EFCAB14: variants seen among roughly 807,000 people sequenced by gnomAD.
The protein encoded by EFCAB14 is EF-hand calcium binding domain 14, also known as EF-hand calcium-binding domain-containing protein 14.
EFCAB14 carries 43 observed loss-of-function variants against 56.5 expected under a neutral mutation model. That is an observed-to-expected ratio of 0.76 (90% CI 0.60 to 0.98). EFCAB14 has a LOEUF of 0.98. Ranked by LOEUF, EFCAB14 falls within the 50% of genes least tolerant of loss-of-function variation. The pLI, the probability that EFCAB14 is intolerant of heterozygous loss-of-function variation, is 0.00. For missense variants in EFCAB14, 538 were observed against 580.3 expected, an observed-to-expected ratio of 0.93 and a Z score of 0.75; for synonymous variants, 235 against 212.9, an observed-to-expected ratio of 1.10 and a Z score of -0.90.
intron 10 of EFCAB14, among the ~76,000 whole-genome samples, chr1:46,678,948 C>A (rs1676742297): frequency 6.6e-6 from 1 of 152,124 alleles, no homozygotes; most frequent in Admixed American, 6.5e-5. Flanking sequence ...CACAGTGAGA[C>A]ACTGCCAAAG....
At chr1:46,706,422 A>G (rs1677234794) in intron 3 of EFCAB14, among the ~76,000 whole-genome samples, 1 of 152,218 alleles carries the variant, frequency 6.6e-6, no homozygotes, top group African/African-American at 2.4e-5. Context: ...TTCTCCCACC[A>G]TGTACCAATA....
rs114705454 is a variant in EFCAB14, at chr1:46,696,191, T to C, written c.579+360A>G. Reference sequence around the variant, plus strand: ...ATCATGTACAATTGGTCTGCTTTGATGAAGATATTGTGAGTGGTGAACTGA... The same window carrying C: ...ATCATGTACAATTGGTCTGCTTTGACGAAGATATTGTGAGTGGTGAACTGA... On this transcript the variant is annotated intron_variant, in intron 4 of 10. Transcript: ENST00000371933. Among the ~76,000 whole-genome samples the C allele has an allele frequency of 4.2e-3, 638 of 151,942 alleles. 1 individual carries two copies. The highest frequency in any genetic ancestry group is 0.014 in the African/African-American group (585 of 41,422).
At chr1:46,696,487 G>T in intron 4 of EFCAB14, 64 bp downstream of exon 4, 2 of 1,462,146 alleles carry the variant, frequency 1.4e-6, no homozygotes, top group South Asian at 2.4e-5. Flanking sequence ...CTAGAATTAT[G>T]GCAAATAGTA....
At chr1:46,710,450 T>G (rs1419686042) in intron 2 of EFCAB14, among the ~76,000 whole-genome samples, 1 of 152,242 alleles carries the variant, frequency 6.6e-6, no homozygotes, top group African/African-American at 2.4e-5. Context: ...AGCTGTAATT[T>G]TTCATCCTTT....
chr1:46,684,519 G>A lies in EFCAB14; in HGVS notation c.1158C>T (p.Ser386=). 1 of 1,614,024 alleles carries A rather than the reference G, an allele frequency of 6.2e-7. No individual in the cohort carries two copies. The highest frequency in any genetic ancestry group is 1.7e-5 in the Admixed American group (1 of 60,026). The change falls in exon 9 of 11, where the codon AGC becomes AGT. Residue 386 remains serine, a synonymous_variant. Transcript: ENST00000371933. Reference sequence around the variant, plus strand: ...CATCGGCGGTCTCTGGAGGCCTGTTGCTCTCAGGTTTGTTTGTAAGAGCAC... The same window carrying A: ...CATCGGCGGTCTCTGGAGGCCTGTTACTCTCAGGTTTGTTTGTAAGAGCAC... ...LISALTNKPE[S]NRPPETADEE...
intron 2 of EFCAB14, among the ~76,000 whole-genome samples, chr1:46,713,823 G>A (rs2148851566): frequency 6.6e-6 from 1 of 152,234 alleles, no homozygotes; most frequent in East Asian, 1.9e-4. Context: ...ACTTATGGTT[G>A]AACACTGTTT....
intron 3 of EFCAB14, among the ~76,000 whole-genome samples, chr1:46,699,653 A>ATAG (rs1260019658): frequency 2.0e-5 from 3 of 152,158 alleles, no homozygotes; most frequent in Admixed American, 6.6e-5. Context: ...GTAACTGGGT[A>ATAG]TAATAATAAT....
intron 4 of EFCAB14, among the ~76,000 whole-genome samples, chr1:46,694,584 G>C (rs1314321393): frequency 6.6e-6 from 1 of 152,198 alleles, no homozygotes; most frequent in Non-Finnish European, 1.5e-5. Flanking sequence ...AACAACAGGT[G>C]CTGGAGAGGA....
intron 3 of EFCAB14, among the ~76,000 whole-genome samples, chr1:46,699,925 C>G (rs1485720506): frequency 6.6e-6 from 1 of 152,146 alleles, no homozygotes; most frequent in Non-Finnish European, 1.5e-5. Flanking sequence ...GGGAAGGGAG[C>G]TGCCATGCTG....
At chr1:46,713,528 C>T (rs1429900188) in intron 2 of EFCAB14, among the ~76,000 whole-genome samples, 1 of 152,118 alleles carries the variant, frequency 6.6e-6, no homozygotes, top group Non-Finnish European at 1.5e-5. Context: ...AAATGTAGTA[C>T]TTTATTTGCA....
At position 46,683,391 on chromosome 1, in the gene EFCAB14, T is replaced by C. The variant is rs1380743183; in HGVS notation, c.1221A>G (p.Ala407=). ...QVESFTSKPS[A]LPKFSQFLGD... ...CAAGAAACTGTGAAAATTTTGGCAA[T>C]GCTGATGGCTTTGATGTGAAACTCT... Residue 407 remains alanine (A), a synonymous_variant, in exon 10 of 11, where the codon GCA becomes GCG. Transcript: ENST00000371933. 6.2e-7 allele frequency: 1 copy of C among 1,613,948 alleles called. No homozygotes were observed. The highest frequency in any genetic ancestry group is 8.5e-7 in the Non-Finnish European group (1 of 1,179,966).
intron 5 of EFCAB14, among the ~76,000 whole-genome samples, chr1:46,690,186 T>C (rs1162158638): frequency 2.6e-5 from 4 of 152,226 alleles, no homozygotes; most frequent in Admixed American, 2.0e-4. Flanking sequence ...CCTTATAGCA[T>C]TATGCTAAGT....
At chr1:46,710,835 A>T (rs1677297454) in intron 2 of EFCAB14, among the ~76,000 whole-genome samples, 1 of 152,190 alleles carries the variant, frequency 6.6e-6, no homozygotes, top group Admixed American at 6.5e-5. Flanking sequence ...TACAGGCGTG[A>T]GTTACCATAC....
chr1:46,716,687 A>G (rs1179340099), intron 1 of EFCAB14, among the ~76,000 whole-genome samples: 1 of 152,214 alleles, frequency 6.6e-6, no homozygotes, highest in East Asian at 1.9e-4. Flanking sequence ...TAAAAGGAAG[A>G]ACCTAAAGGC....
rs142162346 is a variant in EFCAB14 at position 46,689,018 on chromosome 1, C to A, written c.796-474G>T. ...TTATTTTTACTGACATCCTCCAGTACTGATTGCTACTTTAAAAAGAATGAT... is the reference window on the plus strand; with the variant it reads ...TTATTTTTACTGACATCCTCCAGTAATGATTGCTACTTTAAAAAGAATGAT... On this transcript the variant is annotated intron_variant, in intron 6 of 10. Coordinates refer to ENST00000371933, the MANE Select transcript of EFCAB14 (RefSeq NM_014774.3). Among the ~76,000 whole-genome samples the A allele has an allele frequency of 7.7e-3, 1,167 of 152,286 alleles. 15 individuals are homozygous for A. Among genetic ancestry groups the A allele is most frequent in the Non-Finnish European group, 0.011 (758 of 68,020 alleles).
intron 3 of EFCAB14, among the ~76,000 whole-genome samples, chr1:46,704,476 C>CAAAAAA (rs35092498): frequency 1.4e-5 from 1 of 73,984 alleles, no homozygotes; most frequent in Non-Finnish European, 2.4e-5. Context: ...GATTGTGTCT[C>CAAAAAA]AAAAAAAAAA....
chr1:46,684,873 A>T (rs1676853877), intron 8 of EFCAB14, among the ~76,000 whole-genome samples: 1 of 152,230 alleles, frequency 6.6e-6, no homozygotes, highest in East Asian at 1.9e-4. Context: ...GAAGGAATGC[A>T]TGTGTCAGCA....
chr1:46,713,035 C>T (rs1174548148), intron 2 of EFCAB14, among the ~76,000 whole-genome samples: 1 of 150,828 alleles, frequency 6.6e-6, no homozygotes, highest in African/African-American at 2.4e-5. Context: ...AACCAACCAA[C>T]CAAAAAAAAA....
intron 7 of EFCAB14, among the ~76,000 whole-genome samples, chr1:46,688,058 G>A (rs957692591): frequency 2.0e-5 from 3 of 152,120 alleles, no homozygotes; most frequent in Non-Finnish European, 4.4e-5. Flanking sequence ...ACCAGATGGC[G>A]CACTGGTAAC....
Sources: allele counts gnomAD v4.1 joint callset (sites outside exome capture counted in the v4.1 genomes callset), GRCh38; gene constraint gnomAD v4.1.1; transcripts MANE v1.5; gene names NCBI Gene and HGNC (gene_info 2026-07-23, HGNC 2026-07-21).